The following NEK1 variants were observed in gnomAD, a reference collection of about 807,000 sequenced individuals.
NEK1 encodes the protein serine/threonine-protein kinase Nek1.
NEK1 carries 137 observed loss-of-function variants against 182.1 expected under a neutral mutation model. The ratio of observed to expected loss-of-function variants is 0.75; its 90% CI spans 0.65 to 0.87. The LOEUF (loss-of-function observed/expected upper bound fraction) is 0.87, where lower values mean the gene tolerates loss of function less well. Among genes scored for constraint, NEK1 ranks in the 40% least tolerant of loss-of-function variants. The pLI, the probability that NEK1 is intolerant of heterozygous loss-of-function variation, is 0.00. For missense variants in NEK1, 1,391 were observed against 1,494.4 expected, an observed-to-expected ratio of 0.93 and a Z score of 1.14; for synonymous variants, 513 against 492.2, an observed-to-expected ratio of 1.04 and a Z score of -0.56.
intron 26 of NEK1, among the ~76,000 whole-genome samples, chr4:169,469,946 CTTT>C (rs61539003): frequency 2.4e-4 from 29 of 118,862 alleles, no homozygotes; most frequent in Non-Finnish European, 3.5e-4. Flanking sequence ...GCAACCCCTG[CTTT>C]TTTTTTTTTT....
At chr4:169,482,477 C>T (rs1405440329) in intron 23 of NEK1, among the ~76,000 whole-genome samples, 2 of 150,720 alleles carry the variant, frequency 1.3e-5, no homozygotes, top group Non-Finnish European at 3.0e-5. Flanking sequence ...TTCTTTCTTT[C>T]TTTCTTTTTT....
chr4:169,447,303 T>C (rs1050831204), intron 27 of NEK1, among the ~76,000 whole-genome samples: 1 of 152,162 alleles, frequency 6.6e-6, no homozygotes, highest in East Asian at 1.9e-4. Context: ...TAAAATAGTA[T>C]ATCCAGAGAA....
intron 27 of NEK1, among the ~76,000 whole-genome samples, chr4:169,451,253 C>T (rs1308950917): frequency 6.6e-6 from 1 of 152,130 alleles, no homozygotes; most frequent in Non-Finnish European, 1.5e-5. Context: ...CAAGGATATC[C>T]AGGACCTGAA....
intron 23 of NEK1, among the ~76,000 whole-genome samples, chr4:169,486,815 A>G (rs1412406696): frequency 6.6e-6 from 1 of 152,240 alleles, no homozygotes; most frequent in African/African-American, 2.4e-5. Flanking sequence ...AAACAGAAAT[A>G]CACAAGAATT....
intron 27 of NEK1, among the ~76,000 whole-genome samples, chr4:169,458,564 C>A (rs1250347928): frequency 6.6e-6 from 1 of 152,030 alleles, no homozygotes. Flanking sequence ...ACCATCTCTA[C>A]AAAACATACA....
Position 169,555,786 on chromosome 4 carries a change from T to C in NEK1, c.1496A>G (p.Asp499Gly). The C allele has an allele frequency of 6.2e-7, 1 of 1,613,876 alleles. No individual in the cohort carries two copies. Among genetic ancestry groups the C allele is most frequent in the Non-Finnish European group, 8.5e-7 (1 of 1,179,816 alleles). Reference sequence around the variant, plus strand: ...CAAAGTTTTTCTAATATCATCAGCATCAGGAAAATGGTGATGACCTGCAGC... The same window carrying C: ...CAAAGTTTTTCTAATATCATCAGCACCAGGAAAATGGTGATGACCTGCAGC... ...YGAAGHHHFP[D>G]ADDIRKTLKR... Residue 499 changes from aspartate to glycine, a missense_variant, in exon 18 of 36, where the codon GAT (aspartate) becomes GGT (glycine). By Grantham distance (94) the Asp-to-Gly change is moderately conservative. Transcript: ENST00000507142.
chr4:169,404,086 A>AC (rs1297404075), intron 32 of NEK1, among the ~76,000 whole-genome samples: 1 of 151,536 alleles, frequency 6.6e-6, no homozygotes, highest in Non-Finnish European at 1.5e-5. Flanking sequence ...AGAAAGAAAA[A>AC]ATAAAAGAAC....
chr4:169,567,860 G>C (rs1763975308), intron 12 of NEK1, among the ~76,000 whole-genome samples: 1 of 152,134 alleles, frequency 6.6e-6, no homozygotes, highest in Admixed American at 6.5e-5. Context: ...ATTTGCCTAT[G>C]ATTCAGAATA....
chr4:169,413,236 C>T (rs1733972102), intron 31 of NEK1, among the ~76,000 whole-genome samples: 3 of 151,450 alleles, frequency 2.0e-5, no homozygotes, highest in Admixed American at 6.6e-5. Flanking sequence ...GGCATGAACA[C>T]GGCTTACTGC....
chr4:169,523,761 T>C (rs576120311), intron 19 of NEK1, among the ~76,000 whole-genome samples: 2 of 152,340 alleles, frequency 1.3e-5, no homozygotes, highest in South Asian at 4.1e-4. Context: ...TATTACTTAA[T>C]TGTTGGTTTA....
At chr4:169,524,607 T>C (rs1450946342) in intron 19 of NEK1, among the ~76,000 whole-genome samples, 1 of 152,116 alleles carries the variant, frequency 6.6e-6, no homozygotes, top group Non-Finnish European at 1.5e-5. Flanking sequence ...TTAAGAAATC[T>C]ACAGGAATGA....
chr4:169,600,960 G>T (rs1479448941), intron 4 of NEK1, among the ~76,000 whole-genome samples: 1 of 152,018 alleles, frequency 6.6e-6, no homozygotes, highest in Non-Finnish European at 1.5e-5. Context: ...CTTTTAACTT[G>T]AAATATTAAA....
At chr4:169,429,770 T>C (rs891234878) in intron 29 of NEK1, among the ~76,000 whole-genome samples, 2 of 152,190 alleles carry the variant, frequency 1.3e-5, no homozygotes, top group Admixed American at 6.5e-5. Context: ...GTATTTACTA[T>C]CTGGATTTCT....
At chr4:169,435,434 T>C (rs1738229041) in intron 28 of NEK1, among the ~76,000 whole-genome samples, 1 of 152,204 alleles carries the variant, frequency 6.6e-6, no homozygotes, top group African/African-American at 2.4e-5. Context: ...TACTAGTAAC[T>C]ATGTTCTAAT....
chr4:169,494,036 T>C (rs953321589), intron 23 of NEK1, among the ~76,000 whole-genome samples: 3 of 150,886 alleles, frequency 2.0e-5, no homozygotes, highest in African/African-American at 7.3e-5. Flanking sequence ...TAAAGGCAGC[T>C]AGAGAAAAGA....
At position 169,612,419 on chromosome 4, in the gene NEK1, G is replaced by C. The variant is rs377463827; in HGVS notation, c.-370C>G. 2.0e-5 allele frequency: 3 copies of C among 152,098 alleles called. No homozygotes were observed. Among genetic ancestry groups the C allele is most frequent in the African/African-American group, 7.3e-5 (3 of 41,236 alleles). 9.4% of individuals were successfully genotyped at this position (152,098 alleles called of 1,614,324 possible). ...AGAGGTCGTTGCTAGTGGCCACGGC[G>C]GGGTGGGGACGGGCGGCGTTCGGGA... is the stretch of plus-strand genomic sequence containing the variant. On this transcript the variant is annotated 5_prime_UTR_variant, in exon 1 of 36. Transcript: ENST00000507142.
chr4:169,408,051 T>C (rs1466267528), intron 31 of NEK1, among the ~76,000 whole-genome samples: 1 of 152,244 alleles, frequency 6.6e-6, no homozygotes, highest in Non-Finnish European at 1.5e-5. Context: ...TTTAATGGTT[T>C]GGACCATGTA....
intron 27 of NEK1, among the ~76,000 whole-genome samples, chr4:169,453,031 G>C (rs1427282164): frequency 6.6e-6 from 1 of 152,108 alleles, no homozygotes; most frequent in Non-Finnish European, 1.5e-5. Flanking sequence ...GACACACACA[G>C]AGCCAAATCA....
intron 19 of NEK1, among the ~76,000 whole-genome samples, chr4:169,521,673 C>A (rs1373667192): frequency 6.6e-6 from 1 of 152,158 alleles, no homozygotes; most frequent in East Asian, 1.9e-4. Context: ...CTACTTCATT[C>A]CAAAAGGACA....
Sources: allele counts gnomAD v4.1 joint callset (sites outside exome capture counted in the v4.1 genomes callset), GRCh38; gene constraint gnomAD v4.1.1; transcripts MANE v1.5; gene names NCBI Gene and HGNC (gene_info 2026-07-23, HGNC 2026-07-21).